The following JAK2 variants were observed in gnomAD, a reference collection of about 807,000 sequenced individuals.
JAK2 encodes Janus kinase 2.
In JAK2, 86 loss-of-function variants were observed where a neutral mutation model predicts 139.3. That is an observed-to-expected ratio of 0.62 (90% CI 0.52 to 0.74). The LOEUF is 0.74. Ranked by LOEUF, JAK2 falls within the 30% of genes least tolerant of loss-of-function variation. JAK2 has a pLI of 0.00. For missense variants in JAK2, 1,421 were observed against 1,360.3 expected, an observed-to-expected ratio of 1.04 and a Z score of -0.70; for synonymous variants, 490 against 437.7, an observed-to-expected ratio of 1.12 and a Z score of -1.49.
At chr9:5,021,714 C>T (rs1822440705) in intron 2 of JAK2, among the ~76,000 whole-genome samples, 1 of 152,160 alleles carries the variant, frequency 6.6e-6, no homozygotes, top group African/African-American at 2.4e-5. Flanking sequence ...CAGCCTCATC[C>T]TCCCAGGTTC....
intron 2 of JAK2, among the ~76,000 whole-genome samples, chr9:4,997,326 T>TA (rs1472780014): frequency 2.6e-5 from 4 of 152,166 alleles, no homozygotes; most frequent in African/African-American, 9.7e-5. Flanking sequence ...TCTGCAGGCT[T>TA]ACAAGCATGG....
chr9:5,060,339 A>C (rs1330536115), intron 8 of JAK2, among the ~76,000 whole-genome samples: 1 of 152,186 alleles, frequency 6.6e-6, no homozygotes, highest in African/African-American at 2.4e-5. Context: ...ATTTCGTTAA[A>C]GTTGTCTCTG....
chr9:5,121,302 A>C (rs1823602184), intron 22 of JAK2, among the ~76,000 whole-genome samples: 1 of 152,182 alleles, frequency 6.6e-6, no homozygotes, highest in Non-Finnish European at 1.5e-5. Flanking sequence ...AGCCAACCTG[A>C]TATAACCCCT....
At chr9:5,009,970 G>A (rs905258298) in intron 2 of JAK2, among the ~76,000 whole-genome samples, 1 of 152,056 alleles carries the variant, frequency 6.6e-6, no homozygotes, top group Non-Finnish European at 1.5e-5. Flanking sequence ...ACAGGGTCTC[G>A]CAATGTTGCC....
At chr9:5,027,316 T>C (rs1186244626) in intron 3 of JAK2, among the ~76,000 whole-genome samples, 3 of 152,228 alleles carry the variant, frequency 2.0e-5, no homozygotes, top group Non-Finnish European at 4.4e-5. Flanking sequence ...AAAAGTTATG[T>C]TTAAATTATT....
At chr9:5,005,142 G>A (rs1308317167) in intron 2 of JAK2, among the ~76,000 whole-genome samples, 1 of 109,504 alleles carries the variant, frequency 9.1e-6, no homozygotes, top group Non-Finnish European at 1.7e-5. Context: ...TAGGTACAGG[G>A]TCTCACTGTG....
chr9:5,086,185 A>G (rs1341150064), intron 19 of JAK2: 12 of 501,964 alleles, frequency 2.4e-5, no homozygotes, highest in Non-Finnish European at 2.2e-5. Context: ...GTCTCCAGCA[A>G]CAGCCGCGCC....
chr9:5,062,149 A>G (rs1391135375), intron 8 of JAK2, among the ~76,000 whole-genome samples: 2 of 152,070 alleles, frequency 1.3e-5, no homozygotes, highest in East Asian at 3.9e-4. Flanking sequence ...TCAGCCAAAC[A>G]TGGATGGAAA....
intron 4 of JAK2, among the ~76,000 whole-genome samples, chr9:5,040,615 C>T (rs979417981): frequency 6.6e-6 from 1 of 152,228 alleles, no homozygotes; most frequent in Non-Finnish European, 1.5e-5. Flanking sequence ...TACAGCTCAA[C>T]AAGACAATGA....
At chr9:5,073,506 T>C (rs1748558092) in intron 13 of JAK2, among the ~76,000 whole-genome samples, 192 bp from the exon 14 acceptor site, 1 of 152,150 alleles carries the variant, frequency 6.6e-6, no homozygotes, top group African/African-American at 2.4e-5. Context: ...ATTCCAGGCT[T>C]ACACAGGGGT....
chr9:5,050,580 C>A, intron 5 of JAK2, 106 bp from the exon 6 acceptor site: 1 of 1,202,454 alleles, frequency 8.3e-7, no homozygotes, highest in Non-Finnish European at 1.2e-6. Flanking sequence ...CAATTTGTAT[C>A]TTGTAAATGC....
chr9:5,033,383 G>C (rs1025929503), intron 4 of JAK2, among the ~76,000 whole-genome samples: 22 of 152,076 alleles, frequency 1.4e-4, no homozygotes, highest in Non-Finnish European at 2.9e-4. Context: ...TCAGGAAATA[G>C]AGAGAACGCC....
intron 2 of JAK2, among the ~76,000 whole-genome samples, chr9:4,994,102 TA>T (rs1346021058): frequency 6.6e-6 from 1 of 152,236 alleles, no homozygotes; most frequent in Non-Finnish European, 1.5e-5. Context: ...TAGTCTTTCT[TA>T]AATGTGTGTA....
intron 23 of JAK2, 26 bp downstream of exon 23, chr9:5,123,147 AG>A: frequency 6.8e-7 from 1 of 1,465,592 alleles, no homozygotes; most frequent in Non-Finnish European, 9.4e-7. Context: ...ATTTACTTTC[AG>A]TTTTTTGTTT....
At chr9:5,040,732 G>A (rs985076100) in intron 4 of JAK2, among the ~76,000 whole-genome samples, 1 of 152,282 alleles carries the variant, frequency 6.6e-6, no homozygotes, top group African/African-American at 2.4e-5. Context: ...GTGGGCCCCT[G>A]AGCGGGCGTC....
intron 22 of JAK2, among the ~76,000 whole-genome samples, chr9:5,121,094 T>C (rs544542147): frequency 3.2e-4 from 49 of 152,330 alleles, no homozygotes; most frequent in Non-Finnish European, 6.0e-4. Context: ...ACCTTCAATT[T>C]AGAAGAGGCA....
chr9:5,081,912 A>G (rs778810574), intron 19 of JAK2, 51 bp downstream of exon 19: 181 of 1,456,584 alleles, frequency 1.2e-4, no homozygotes, highest in Non-Finnish European at 1.5e-4. Context: ...CATTTAGGAA[A>G]AACTTAAGAG....
intron 4 of JAK2, among the ~76,000 whole-genome samples, chr9:5,038,862 C>T (rs1397893918): frequency 6.6e-6 from 1 of 152,028 alleles, no homozygotes. Flanking sequence ...TTCCAAAAAT[C>T]AATCAATGTA....
chr9:5,096,811 G>T (rs1821031544), intron 22 of JAK2: 1 of 152,162 alleles, frequency 6.6e-6, no homozygotes, highest in Admixed American at 6.5e-5. Flanking sequence ...ACTCTGCTAG[G>T]AGATGACCAG....
Sources: gnomAD v4.1 joint callset for allele counts (sites outside exome capture counted in the v4.1 genomes callset) on GRCh38, gnomAD v4.1.1 for gene constraint, MANE v1.5 for transcripts, NCBI Gene and HGNC (gene_info 2026-07-23, HGNC 2026-07-21) for gene names.